Variants in CYTH3 observed in about 807,000 individuals in gnomAD.
CYTH3 encodes the protein cytohesin-3.
In CYTH3, 23 loss-of-function variants were observed where a neutral mutation model predicts 55.1. The ratio of observed to expected loss-of-function variants is 0.42; its 90% confidence interval spans 0.30 to 0.59. The LOEUF (loss-of-function observed/expected upper bound fraction) is 0.59, where lower values mean the gene tolerates loss of function less well. CYTH3 is among the 20% of genes least tolerant of loss of function. CYTH3 has a pLI of 0.20. For synonymous variants in CYTH3, 249 were observed against 194.9 expected, an observed-to-expected ratio of 1.28 and a Z score of -2.31; for missense variants, 413 against 524.8, an observed-to-expected ratio of 0.79 and a Z score of 2.08.
At chr7:6,197,346 G>GGATATA (rs1783959628) in intron 1 of CYTH3, among the ~76,000 whole-genome samples, 1 of 152,106 alleles carries the variant, frequency 6.6e-6, no homozygotes, top group Non-Finnish European at 1.5e-5. Context: ...TAGTATATAG[G>GGATATA]GATATAATGC....
chr7:6,213,152 C>G (rs755849934), intron 1 of CYTH3, among the ~76,000 whole-genome samples: 1 of 152,228 alleles, frequency 6.6e-6, no homozygotes, highest in Non-Finnish European at 1.5e-5. Context: ...GCACCAAGAA[C>G]CGTGACTAGC....
chr7:6,244,093 C>T (rs932670387), intron 1 of CYTH3, among the ~76,000 whole-genome samples: 2 of 152,172 alleles, frequency 1.3e-5, no homozygotes, highest in African/African-American at 4.8e-5. Context: ...GTTGCATGTT[C>T]TATGCAGCCC....
chr7:6,220,951 G>A (rs1201320292), intron 1 of CYTH3, among the ~76,000 whole-genome samples: 1 of 151,900 alleles, frequency 6.6e-6, no homozygotes, highest in South Asian at 2.1e-4. Flanking sequence ...AGTCGAGATC[G>A]CGCCACTGCA....
chr7:6,176,792 G>C (rs535770098), intron 5 of CYTH3, among the ~76,000 whole-genome samples: 2 of 152,258 alleles, frequency 1.3e-5, no homozygotes, highest in East Asian at 3.9e-4. Context: ...TCCTTGTCTC[G>C]TTCCTGATCT....
At chr7:6,231,442 T>A (rs148179006) in intron 1 of CYTH3, among the ~76,000 whole-genome samples, 37 of 152,230 alleles carry the variant, frequency 2.4e-4, no homozygotes, top group Middle Eastern at 6.8e-3. Flanking sequence ...AGCGTCTCAG[T>A]CTTTGCAGGG....
chr7:6,226,283 T>C (rs1041446773), intron 1 of CYTH3, among the ~76,000 whole-genome samples: 2 of 152,236 alleles, frequency 1.3e-5, no homozygotes, highest in East Asian at 1.9e-4. Flanking sequence ...TAGAAAGCAC[T>C]GGAGATACTT....
Position 6,205,569 on chromosome 7 carries a change from G to A in CYTH3, c.35-15038C>T, listed in dbSNP as rs1448579947. 3.3e-5 allele frequency among the ~76,000 whole-genome samples: 5 copies of A among 152,080 alleles called. No homozygotes were observed. In the South Asian group the frequency reaches 6.2e-4, roughly 19 times the overall value. On this transcript the variant is annotated intron_variant, in intron 1 of 12. Coordinates refer to ENST00000350796, the MANE Select transcript of CYTH3 (RefSeq NM_004227.4). ...AGCCTGGGCAAAAGAATGAGACTCC[G>A]TCTCCAACAAACAAATAAAAAACAA...
chr7:6,203,016 A>C (rs886932711), intron 1 of CYTH3, among the ~76,000 whole-genome samples: 3 of 152,254 alleles, frequency 2.0e-5, no homozygotes, highest in Non-Finnish European at 4.4e-5. Context: ...TACCGCTATA[A>C]GAAAAAATAG....
At chr7:6,187,163 T>C (rs372149579) in intron 3 of CYTH3, 47 bp from the exon 4 acceptor site, 6 of 1,559,532 alleles carry the variant, frequency 3.8e-6, no homozygotes, top group Non-Finnish European at 5.3e-6. Context: ...GTTTTCACAA[T>C]GCAGCCCAGT....
chr7:6,186,549 G>GTTTTTTCACAGACACCTGCTT (rs1554357872), intron 4 of CYTH3, among the ~76,000 whole-genome samples: 1 of 152,118 alleles, frequency 6.6e-6, no homozygotes, highest in Non-Finnish European at 1.5e-5. Context: ...AGGATCCCTT[G>GTTTTTTCACAGACACCTGCTT]TTTTTTCACA....
chr7:6,162,474 CA>C lies in CYTH3; in HGVS notation c.*2469del, dbSNP rs113310471. The C allele has an allele frequency of 0.14, 21,265 of 152,232 alleles. 1,611 individuals are homozygous for C. Among genetic ancestry groups the C allele is most frequent in the African/African-American group, 0.17 (6,862 of 41,502 alleles). 9.4% of individuals were successfully genotyped at this position (152,232 alleles called of 1,614,324 possible). A position where few individuals can be genotyped will look rare whatever the true frequency, so the allele number is the denominator to read the frequency against. ...GACGCGGCCTGCCCAGGGTGAGGGACAAAAAACAGATGTGTCCTGTTTCAGG... is the reference window on the plus strand; with the variant it reads ...GACGCGGCCTGCCCAGGGTGAGGGACAAAAACAGATGTGTCCTGTTTCAGG... On this transcript the variant is annotated 3_prime_UTR_variant, in exon 13 of 13. Coordinates refer to ENST00000350796, the MANE Select transcript of CYTH3 (RefSeq NM_004227.4).
chr7:6,165,839 C>A, intron 9 of CYTH3, 29 bp from the exon 10 acceptor site: 1 of 1,612,524 alleles, frequency 6.2e-7, no homozygotes, highest in Non-Finnish European at 8.5e-7. Flanking sequence ...CGTGAGTCTG[C>A]GCTCCGTGCA....
intron 1 of CYTH3, among the ~76,000 whole-genome samples, chr7:6,255,753 A>C (rs1780083471): frequency 7.3e-6 from 1 of 136,804 alleles, no homozygotes; most frequent in Non-Finnish European, 1.5e-5. Context: ...TTTGACCTTT[A>C]ATCTGTTTTT....
chr7:6,226,640 A>T (rs1779259041), intron 1 of CYTH3, among the ~76,000 whole-genome samples: 1 of 152,070 alleles, frequency 6.6e-6, no homozygotes, highest in Non-Finnish European at 1.5e-5. Context: ...CCGTGTTGTG[A>T]GTATTTGTAT....
chr7:6,218,988 GGA>G (rs1023777495), intron 1 of CYTH3, among the ~76,000 whole-genome samples: 1 of 145,094 alleles, frequency 6.9e-6, no homozygotes, highest in Non-Finnish European at 1.5e-5. Context: ...CTGGCAACGG[GGA>G]GAGACTCCGT....
chr7:6,202,770 G>T (rs1784088096), intron 1 of CYTH3, among the ~76,000 whole-genome samples: 1 of 152,176 alleles, frequency 6.6e-6, no homozygotes, highest in African/African-American at 2.4e-5. Flanking sequence ...GGCCATTGCT[G>T]TTTTAAACCA....
chr7:6,165,726 T>A lies in CYTH3; in HGVS notation c.900+8A>T. On this transcript the variant is annotated splice_region_variant and intron_variant, in intron 10 of 12. Transcript: ENST00000350796. Reference sequence around the variant, plus strand: ...GGGAGGCGGCAAGGAGGCCTGGCCCTTACTTACTGTTGTGTATTCAAAGTA... The same window carrying A: ...GGGAGGCGGCAAGGAGGCCTGGCCCATACTTACTGTTGTGTATTCAAAGTA... 1 of 1,614,130 alleles carries A rather than the reference T, an allele frequency of 6.2e-7. No individual in the cohort carries two copies. The highest frequency in any genetic ancestry group is 8.5e-7 in the Non-Finnish European group (1 of 1,179,982).
In CYTH3 at chr7:6,192,670, T is replaced by C. The variant is rs550953479; in HGVS notation, c.35-2139A>G. Among the ~76,000 whole-genome samples, 8 of 151,606 alleles carry C rather than the reference T, an allele frequency of 5.3e-5. No homozygotes were observed. In the East Asian group the frequency reaches 1.6e-3, roughly 30 times the overall value. Reference sequence around the variant, plus strand: ...CCTCAGCCTCCCGAGTAGCTGGGATTATAGGCGTGCACCACCACGCTCGGC... The same window carrying C: ...CCTCAGCCTCCCGAGTAGCTGGGATCATAGGCGTGCACCACCACGCTCGGC... On this transcript the variant is annotated intron_variant, in intron 1 of 12. Transcript: ENST00000350796.
intron 2 of CYTH3, 109 bp downstream of exon 2, chr7:6,190,340 T>G: frequency 3.2e-6 from 3 of 931,032 alleles, no homozygotes; most frequent in Non-Finnish European, 4.6e-6. Context: ...TATTTTTTGT[T>G]TTTGGGTTTT....
Sources: allele counts gnomAD v4.1 joint callset (sites outside exome capture counted in the v4.1 genomes callset), GRCh38; gene constraint gnomAD v4.1.1; transcripts MANE v1.5; gene names NCBI Gene and HGNC (gene_info 2026-07-23, HGNC 2026-07-21).